Variants in XIRP2 observed in about 807,000 individuals in gnomAD.
XIRP2 encodes xin actin binding repeat containing 2, also known as xin actin-binding repeat-containing protein 2.
In XIRP2, 236 loss-of-function variants were observed where a neutral mutation model predicts 277.0. The ratio of observed to expected loss-of-function variants is 0.85; its 90% CI spans 0.77 to 0.95. XIRP2 has a LOEUF of 0.95. XIRP2 is among the 40% of genes least tolerant of loss of function. The pLI is 0.00. For missense variants in XIRP2, 4,640 were observed against 4,157.5 expected (o/e 1.12, Z -3.19); for synonymous variants, 1,490 against 1,416.5 (o/e 1.05, Z -1.17).
At chr2:166,938,019 A>G (rs1344033355) in intron 2 of XIRP2, among the ~76,000 whole-genome samples, 2 of 151,914 alleles carry the variant, frequency 1.3e-5, no homozygotes, top group Admixed American at 1.3e-4. Flanking sequence ...TGGTCTATCA[A>G]TTTTGTTGAT....
chr2:167,104,370 A>G (rs1310056761), intron 2 of XIRP2, among the ~76,000 whole-genome samples: 2 of 152,160 alleles, frequency 1.3e-5, no homozygotes, highest in East Asian at 1.9e-4. Flanking sequence ...CCAACCCATC[A>G]TAACAATTTT....
chr2:166,940,163 C>T (rs918026504), intron 2 of XIRP2, among the ~76,000 whole-genome samples: 1 of 152,114 alleles, frequency 6.6e-6, no homozygotes, highest in African/African-American at 2.4e-5. Flanking sequence ...TCTTTTTTCT[C>T]TAAACTTCTC....
intron 2 of XIRP2, among the ~76,000 whole-genome samples, chr2:167,036,054 A>T (rs1688498080): frequency 6.6e-6 from 1 of 152,194 alleles, no homozygotes; most frequent in Admixed American, 6.5e-5. Flanking sequence ...ATTTCAGAAG[A>T]TGTATGGAAG....
In XIRP2 at chr2:166,944,832, G is replaced by A. The variant is rs1439756100; in HGVS notation, c.408+40942G>A. On this transcript the variant is annotated intron_variant, in intron 2 of 10. Transcript: ENST00000409195. ...ATAAAGACATTAAGTAAAATAAATG[G>A]GGCCACATCTATTGACAGAGCTGGG... Among the ~76,000 whole-genome samples, 4 of 152,184 alleles carry A rather than the reference G, an allele frequency of 2.6e-5. No individual in the cohort carries two copies. The East Asian group carries it at 7.7e-4, about 29-fold the overall frequency.
At chr2:167,035,567 T>G (rs1688487828) in intron 2 of XIRP2, among the ~76,000 whole-genome samples, 1 of 152,094 alleles carries the variant, frequency 6.6e-6, no homozygotes. Context: ...ATTCAAGAGG[T>G]GACTTGGGTA....
At position 167,251,433 on chromosome 2, in the gene XIRP2, A is replaced by G. The variant is rs1410476252; in HGVS notation, c.10041A>G (p.Glu3347=). 3 of 1,613,666 alleles carry G rather than the reference A, an allele frequency of 1.9e-6. No individual in the cohort carries two copies. The Admixed American group carries it at 5.0e-5, about 27-fold the overall frequency. Residue 3347 remains glutamate, a synonymous_variant, in exon 9 of 11, where the codon GAA becomes GAG. Transcript: ENST00000409195. ...AATTTGAGCATGGCCCAGTTTCTGA[A>G]GCAAAGTCAAATAGAAGAGTTTATG... ...FREFEHGPVS[E]AKSNRRVYAK... is the part of the protein sequence containing the mutation.
At chr2:166,973,038 C>T (rs779524247) in intron 2 of XIRP2, among the ~76,000 whole-genome samples, 1 of 152,070 alleles carries the variant, frequency 6.6e-6, no homozygotes, top group Non-Finnish European at 1.5e-5. Flanking sequence ...CATTTTCTAG[C>T]AAATTAATTA....
At chr2:166,920,130 G>A (rs1463423201) in intron 2 of XIRP2, among the ~76,000 whole-genome samples, 3 of 152,122 alleles carry the variant, frequency 2.0e-5, no homozygotes, top group South Asian at 4.1e-4. Flanking sequence ...TAGCTAGCAA[G>A]TGGTAATGAC....
At chr2:167,128,324 C>G (rs557182145) in intron 2 of XIRP2, among the ~76,000 whole-genome samples, 4 of 152,250 alleles carry the variant, frequency 2.6e-5, no homozygotes, top group African/African-American at 9.6e-5. Context: ...GCAGTTGACC[C>G]TTGCGCAACA....
chr2:166,973,947 C>A (rs939475571), intron 2 of XIRP2, among the ~76,000 whole-genome samples: 2 of 152,194 alleles, frequency 1.3e-5, no homozygotes, highest in Admixed American at 1.3e-4. Flanking sequence ...TTTTAAAATT[C>A]ATTAAGGGGT....
chr2:167,120,486 G>C (rs1284811334), intron 2 of XIRP2, among the ~76,000 whole-genome samples: 3 of 152,042 alleles, frequency 2.0e-5, no homozygotes, highest in Non-Finnish European at 1.5e-5. Flanking sequence ...CATCGTAAGG[G>C]TATTGTTTTA....
intron 2 of XIRP2, among the ~76,000 whole-genome samples, chr2:167,106,592 T>C (rs1690625590): frequency 6.6e-6 from 1 of 151,712 alleles, no homozygotes; most frequent in South Asian, 2.1e-4. Flanking sequence ...TATATAAAAA[T>C]TCTTAAAATA....
intron 2 of XIRP2, among the ~76,000 whole-genome samples, chr2:167,049,072 A>G (rs537815632): frequency 6.6e-6 from 1 of 151,962 alleles, no homozygotes; most frequent in South Asian, 2.1e-4. Flanking sequence ...GAAAAGTAGT[A>G]TACAAATTTT....
chr2:166,963,368 A>G (rs1686347266), intron 2 of XIRP2, among the ~76,000 whole-genome samples: 1 of 151,690 alleles, frequency 6.6e-6, no homozygotes, highest in Non-Finnish European at 1.5e-5. Flanking sequence ...AGATTCAGAG[A>G]TGACAAGTCG....
At chr2:166,896,622 T>G (rs1289720018) in intron 1 of XIRP2, among the ~76,000 whole-genome samples, 1 of 152,046 alleles carries the variant, frequency 6.6e-6, no homozygotes, top group African/African-American at 2.4e-5. Flanking sequence ...ATTAAAAAGT[T>G]TATAAAGTAA....
intron 3 of XIRP2, among the ~76,000 whole-genome samples, chr2:167,193,109 A>C (rs562306888): frequency 2.0e-5 from 3 of 152,314 alleles, no homozygotes; most frequent in Admixed American, 2.0e-4. Context: ...AATTTCAGGG[A>C]AATGAAATTT....
At chr2:167,007,699 T>TCACA (rs1192592539) in intron 2 of XIRP2, among the ~76,000 whole-genome samples, 1 of 123,424 alleles carries the variant, frequency 8.1e-6, no homozygotes, top group East Asian at 2.2e-4. Flanking sequence ...TCTCTCTCTC[T>TCACA]CTCTCACACA....
intron 4 of XIRP2, among the ~76,000 whole-genome samples, chr2:167,216,080 T>G (rs1167592035): frequency 7.3e-6 from 1 of 136,652 alleles, no homozygotes; most frequent in African/African-American, 2.8e-5. Context: ...GCTAGCCATA[T>G]GTAGAAAGCT....
intron 2 of XIRP2, among the ~76,000 whole-genome samples, chr2:167,130,556 T>A (rs1691343415): frequency 6.6e-6 from 1 of 152,150 alleles, no homozygotes; most frequent in African/African-American, 2.4e-5. Context: ...CACCACTCTT[T>A]ACAATTTGCT....
Sources: gnomAD v4.1 joint callset for allele counts (sites outside exome capture counted in the v4.1 genomes callset) on GRCh38, gnomAD v4.1.1 for gene constraint, MANE v1.5 for transcripts, NCBI Gene and HGNC (gene_info 2026-07-23, HGNC 2026-07-21) for gene names.